The following AFF2 variants were observed in gnomAD, a reference collection of about 807,000 sequenced individuals.
AFF2 encodes the protein ALF transcription elongation factor 2.
A neutral mutation model predicts 76.9 loss-of-function variants in AFF2; 14 were observed. The observed-to-expected ratio is 0.18, with a 90% CI of 0.12 to 0.28. The LOEUF is 0.28. Among genes scored for constraint, AFF2 ranks in the 10% least tolerant of loss-of-function variants. The pLI is 1.00. For missense variants in AFF2, 868 were observed against 1,001.1 expected, an observed-to-expected ratio of 0.87 and a Z score of 1.79; for synonymous variants, 398 against 366.7, an observed-to-expected ratio of 1.09 and a Z score of -0.98.
chrX:148,994,983 T>G lies in AFF2; in HGVS notation c.*3651T>G, dbSNP rs2072577910. The G allele has an allele frequency of 9.0e-6, 1 of 111,537 alleles. No homozygotes were observed. Among genetic ancestry groups the G allele is most frequent in the Admixed American group, 9.5e-5 (1 of 10,477 alleles). 9.2% of individuals were successfully genotyped at this position (111,537 alleles called of 1,213,427 possible). A position where few individuals can be genotyped will look rare whatever the true frequency, so the allele number is the denominator to read the frequency against. On this transcript the variant is annotated 3_prime_UTR_variant, in exon 21 of 21. Transcript: ENST00000370460. ...CTGCTTGCTTAGAGAAGCATCACTA[T>G]CCCCATTGAGAAAAATGTGTGGCAA...
intron 3 of AFF2, among the ~76,000 whole-genome samples, chrX:148,781,662 G>T (rs1480035621): frequency 8.9e-6 from 1 of 112,041 alleles, no homozygotes; most frequent in African/African-American, 3.2e-5. Context: ...CACTGAGCAA[G>T]ACCACTTGGC....
chrX:148,768,160 C>A (rs782147703), intron 3 of AFF2, among the ~76,000 whole-genome samples: 1 of 108,695 alleles, frequency 9.2e-6, no homozygotes, highest in African/African-American at 3.3e-5. Flanking sequence ...GAAGTTTGTT[C>A]TGCCCCTTTT....
rs904132391 is a variant in AFF2, at chrX:148,995,230, G to C, written c.*3898G>C. The C allele has an allele frequency of 9.1e-6, 1 of 110,371 alleles. No individual in the cohort carries two copies. Among genetic ancestry groups the C allele is most frequent in the Non-Finnish European group, 1.9e-5 (1 of 52,781 alleles). 9.1% of individuals were successfully genotyped at this position (110,371 alleles called of 1,213,427 possible). On this transcript the variant is annotated 3_prime_UTR_variant, in exon 21 of 21. Coordinates refer to ENST00000370460, the MANE Select transcript of AFF2 (RefSeq NM_002025.4). ...ATTCATTTTCTCTTTAGTGTTAGTA[G>C]ACTCCAACAACAGAAGTGGCATCTG...
At chrX:148,928,145 G>T (rs782289981) in intron 9 of AFF2, among the ~76,000 whole-genome samples, 7 of 111,654 alleles carry the variant, frequency 6.3e-5, no homozygotes, top group Non-Finnish European at 1.1e-4. Context: ...CACAGTAAAA[G>T]CAATTGAAAA....
chrX:148,545,379 C>T (rs183649783), intron 1 of AFF2, among the ~76,000 whole-genome samples: 13 of 111,988 alleles, frequency 1.2e-4, no homozygotes, highest in African/African-American at 4.2e-4. Flanking sequence ...TTTGATTGTC[C>T]TTCAGAGTTG....
In AFF2 at chrX:148,658,356, G is replaced by A. The variant is rs530426166; in HGVS notation, c.181-3552G>A. On this transcript the variant is annotated intron_variant, in intron 2 of 20. Coordinates refer to ENST00000370460, the MANE Select transcript of AFF2 (RefSeq NM_002025.4). ...GTGTGCTATACATTTCCTGTCACAC[G>A]TCCTTCCTTCTGAGACAATTGCTCT... Among the ~76,000 whole-genome samples, 13 of 111,992 alleles carry A rather than the reference G, an allele frequency of 1.2e-4. 1 individual carries two copies. The South Asian group carries it at 1.9e-3, about 16-fold the overall frequency.
At chrX:148,853,781 T>C (rs1372587395) in intron 7 of AFF2, among the ~76,000 whole-genome samples, 1 of 112,119 alleles carries the variant, frequency 8.9e-6, no homozygotes, top group Non-Finnish European at 1.9e-5. Flanking sequence ...AATCAATAAC[T>C]ATGTGTGCCA....
intron 18 of AFF2, among the ~76,000 whole-genome samples, chrX:148,979,195 T>C (rs949341258): frequency 1.8e-4 from 20 of 111,917 alleles, no homozygotes; most frequent in African/African-American, 5.5e-4. Context: ...TTTTTTTCTT[T>C]CTTGCCAAGT....
At chrX:148,824,973 G>C (rs1396147904) in intron 4 of AFF2, among the ~76,000 whole-genome samples, 1 of 111,157 alleles carries the variant, frequency 9.0e-6, no homozygotes, top group African/African-American at 3.3e-5. Flanking sequence ...AGGAGTTGGA[G>C]GCTGCAGTGA....
chrX:148,754,090 G>A (rs918716494), intron 3 of AFF2, among the ~76,000 whole-genome samples: 2 of 111,396 alleles, frequency 1.8e-5, no homozygotes, highest in African/African-American at 6.5e-5. Context: ...CACAAAAGAG[G>A]AAGGCATAAT....
intron 1 of AFF2, among the ~76,000 whole-genome samples, chrX:148,641,006 C>T (rs1557254609): frequency 8.9e-6 from 1 of 111,825 alleles, no homozygotes; most frequent in African/African-American, 3.3e-5. Flanking sequence ...TGAGAGTGTT[C>T]CTATGGCACT....
chrX:148,990,247 A>T (rs1294803816), intron 20 of AFF2, among the ~76,000 whole-genome samples: 1 of 111,943 alleles, frequency 8.9e-6, no homozygotes, highest in Non-Finnish European at 1.9e-5. Flanking sequence ...AATCAAGCAC[A>T]TGTAACCCAT....
chrX:148,581,630 A>C lies in AFF2; in HGVS notation c.48-70369A>C, dbSNP rs373719058. Among the ~76,000 whole-genome samples the C allele has an allele frequency of 2.9e-4, 30 of 103,102 alleles. 1 individual carries two copies. The highest frequency in any genetic ancestry group is 1.4e-3 in the South Asian group (3 of 2,158). 89.5% of individuals were successfully genotyped at this position (103,102 alleles called of 115,157 possible). ...TGTACACACATATATACGTATACGT[A>C]TACGTGTACACACATATATACATAT... On this transcript the variant is annotated intron_variant, in intron 1 of 20. Transcript: ENST00000370460.
At chrX:148,632,638 G>T (rs782043520) in intron 1 of AFF2, among the ~76,000 whole-genome samples, 6 of 112,115 alleles carry the variant, frequency 5.4e-5, no homozygotes, top group Non-Finnish European at 9.4e-5. Context: ...CTTCTACTAG[G>T]TTGGATGATA....
Position 148,838,360 on chromosome X carries a change from G to C in AFF2, c.1173+627G>C, listed in dbSNP as rs1463732654. 2.2e-4 allele frequency among the ~76,000 whole-genome samples: 24 copies of C among 111,601 alleles called. 1 individual carries two copies. In the Admixed American group the frequency reaches 2.3e-3, roughly 11 times the overall value. ...TTTCTTCCTTCCATCCATTTATTCA[G>C]AAATCATTTACTGAGAAGATACAGT... On this transcript the variant is annotated intron_variant, in intron 5 of 20. Coordinates refer to ENST00000370460, the MANE Select transcript of AFF2 (RefSeq NM_002025.4).
chrX:148,916,158 C>T (rs958130903), intron 9 of AFF2, among the ~76,000 whole-genome samples: 5 of 87,270 alleles, frequency 5.7e-5, no homozygotes, highest in African/African-American at 9.5e-5. Flanking sequence ...TTCTCCTGGT[C>T]TTAGTGATGG....
chrX:148,893,130 C>T lies in AFF2; in HGVS notation c.1359+7145C>T, dbSNP rs782357331. Among the ~76,000 whole-genome samples, 373 of 112,313 alleles carry T rather than the reference C, an allele frequency of 3.3e-3. 1 individual carries two copies. The highest frequency in any genetic ancestry group is 0.023 in the Middle Eastern group (5 of 216). On this transcript the variant is annotated intron_variant, in intron 8 of 20. Transcript: ENST00000370460. ...ACCCATACATTGTCATGCTCAAACTCTCCACCAATTAGAGAATGAGAGGAC... is the reference window on the plus strand; with the variant it reads ...ACCCATACATTGTCATGCTCAAACTTTCCACCAATTAGAGAATGAGAGGAC...
intron 1 of AFF2, among the ~76,000 whole-genome samples, chrX:148,581,634 G>A (rs1459185924): frequency 9.6e-6 from 1 of 104,626 alleles, no homozygotes; most frequent in African/African-American, 3.6e-5. Flanking sequence ...ATACGTATAC[G>A]TGTACACACA....
At chrX:148,539,662 CT>C (rs1175743818) in intron 1 of AFF2, among the ~76,000 whole-genome samples, 25 of 109,280 alleles carry the variant, frequency 2.3e-4, no homozygotes, top group Non-Finnish European at 4.4e-4. Flanking sequence ...ATTGAACTAT[CT>C]TTTTTTTTTA....
Sources: gnomAD v4.1 joint callset for allele counts (sites outside exome capture counted in the v4.1 genomes callset) on GRCh38, gnomAD v4.1.1 for gene constraint, MANE v1.5 for transcripts, NCBI Gene and HGNC (gene_info 2026-07-23, HGNC 2026-07-21) for gene names.